Variants in PLPPR1 observed in about 807,000 individuals in gnomAD.
PLPPR1 encodes phospholipid phosphatase related 1.
A neutral mutation model predicts 33.1 loss-of-function variants in PLPPR1; 10 were observed. The observed-to-expected ratio is 0.30, with a 90% CI of 0.19 to 0.51. The LOEUF (loss-of-function observed/expected upper bound fraction) is 0.51. Among genes scored for constraint, PLPPR1 ranks in the 20% least tolerant of loss-of-function variants. The probability of loss-of-function intolerance (pLI) is 0.97; values close to 1 mark genes in which losing one functional copy is unlikely to be tolerated. For synonymous variants in PLPPR1, 151 were observed against 151.0 expected (o/e 1.00, Z 0.00); for missense variants, 304 against 408.1 (o/e 0.74, Z 2.20).
intron 1 of PLPPR1, among the ~76,000 whole-genome samples, chr9:101,133,326 GA>G (rs1426740121): frequency 2.0e-5 from 3 of 152,074 alleles, no homozygotes; most frequent in African/African-American, 7.2e-5. Context: ...TGTACATTAT[GA>G]AAGAAAATTT....
At chr9:101,059,143 T>A (rs1045521802) in intron 1 of PLPPR1, among the ~76,000 whole-genome samples, 2 of 152,174 alleles carry the variant, frequency 1.3e-5, no homozygotes, top group Non-Finnish European at 2.9e-5. Context: ...TTGTGTGATC[T>A]TTTCATTAAT....
intron 3 of PLPPR1, among the ~76,000 whole-genome samples, chr9:101,273,911 CTT>C (rs1828142162): frequency 6.6e-6 from 1 of 152,244 alleles, no homozygotes; most frequent in South Asian, 2.1e-4. Context: ...ATCACCAAAA[CTT>C]TACAAAGAAT....
intron 1 of PLPPR1, among the ~76,000 whole-genome samples, chr9:101,168,574 A>G (rs921161958): frequency 5.3e-5 from 8 of 152,072 alleles, no homozygotes; most frequent in African/African-American, 1.7e-4. Flanking sequence ...CCATCTGCAT[A>G]TACTCTCTTT....
At chr9:101,058,004 C>T (rs1830298517) in intron 1 of PLPPR1, among the ~76,000 whole-genome samples, 1 of 152,086 alleles carries the variant, frequency 6.6e-6, no homozygotes, top group African/African-American at 2.4e-5. Flanking sequence ...TCTGCCCCAT[C>T]TGAGCCCATT....
intron 1 of PLPPR1, among the ~76,000 whole-genome samples, chr9:101,034,916 G>A (rs1272942808): frequency 6.6e-6 from 1 of 152,052 alleles, no homozygotes; most frequent in Non-Finnish European, 1.5e-5. Context: ...AGACCAGCTC[G>A]GCTGTCATAA....
chr9:101,277,774 C>T (rs1196715511), intron 3 of PLPPR1, among the ~76,000 whole-genome samples: 1 of 152,154 alleles, frequency 6.6e-6, no homozygotes, highest in Non-Finnish European at 1.5e-5. Context: ...CAGGACTGGG[C>T]ACAATGATTT....
chr9:101,321,856 C>A (rs117121146), intron 7 of PLPPR1, among the ~76,000 whole-genome samples: 6,484 of 147,442 alleles, frequency 0.044, 183 homozygotes, highest in South Asian at 0.12. Context: ...TGATTGGTGA[C>A]CTTGGGCATA....
At chr9:101,079,773 T>A (rs1035443667) in intron 1 of PLPPR1, among the ~76,000 whole-genome samples, 2 of 152,066 alleles carry the variant, frequency 1.3e-5, no homozygotes, top group Non-Finnish European at 2.9e-5. Flanking sequence ...AGAGGCTTGG[T>A]TTCACCATGT....
chr9:101,314,097 C>T (rs2118961781), intron 6 of PLPPR1, among the ~76,000 whole-genome samples: 1 of 152,280 alleles, frequency 6.6e-6, no homozygotes, highest in East Asian at 1.9e-4. Flanking sequence ...GATGAATCAT[C>T]AGGCCTGGAG....
At chr9:101,037,535 A>G (rs998348316) in intron 1 of PLPPR1, among the ~76,000 whole-genome samples, 14 of 152,226 alleles carry the variant, frequency 9.2e-5, no homozygotes, top group Admixed American at 9.2e-4. Flanking sequence ...AATCAAGTGG[A>G]ATCAGATACA....
intron 2 of PLPPR1, among the ~76,000 whole-genome samples, chr9:101,238,900 A>C (rs1827390784): frequency 6.7e-6 from 1 of 149,196 alleles, no homozygotes; most frequent in Admixed American, 6.7e-5. Context: ...TTTCCTTCTT[A>C]CCCTTCCAGC....
At chr9:101,323,988 C>T in intron 7 of PLPPR1, 37 bp from the exon 8 acceptor site, 1 of 1,604,436 alleles carries the variant, frequency 6.2e-7, no homozygotes, top group Non-Finnish European at 8.5e-7. Context: ...TCAGGCAACC[C>T]TATCTCAGAT....
intron 4 of PLPPR1, among the ~76,000 whole-genome samples, chr9:101,296,348 G>C (rs1185299215): frequency 2.0e-5 from 3 of 151,776 alleles, no homozygotes; most frequent in African/African-American, 4.9e-5. Flanking sequence ...TACACTGTTG[G>C]TGGGACTGTA....
At chr9:101,096,478 C>A (rs762293459) in intron 1 of PLPPR1, among the ~76,000 whole-genome samples, 1 of 152,140 alleles carries the variant, frequency 6.6e-6, no homozygotes, top group Non-Finnish European at 1.5e-5. Context: ...GTTTGTGAAG[C>A]ATATGTATAA....
intron 2 of PLPPR1, among the ~76,000 whole-genome samples, chr9:101,233,615 C>A (rs1827234850): frequency 6.6e-6 from 1 of 151,932 alleles, no homozygotes. Flanking sequence ...TATATAAAGA[C>A]AAACTTGGCC....
intron 1 of PLPPR1, among the ~76,000 whole-genome samples, chr9:101,109,922 T>C (rs1406902795): frequency 6.6e-6 from 1 of 152,154 alleles, no homozygotes; most frequent in African/African-American, 2.4e-5. Flanking sequence ...CAAATGGCCA[T>C]TGTGTGGTGC....
At chr9:101,191,070 G>A (rs751400677) in intron 2 of PLPPR1, among the ~76,000 whole-genome samples, 22 of 152,068 alleles carry the variant, frequency 1.4e-4, no homozygotes, top group Non-Finnish European at 2.9e-4. Context: ...TAAAAGCCAG[G>A]ATATAAACTT....
intron 1 of PLPPR1, among the ~76,000 whole-genome samples, chr9:101,177,801 T>G (rs1236454014): frequency 1.3e-5 from 2 of 152,216 alleles, no homozygotes; most frequent in Non-Finnish European, 2.9e-5. Flanking sequence ...TAATTTCTAT[T>G]AAGTTGTTAG....
rs375972678 is a variant in PLPPR1 at position 101,261,049 on chromosome 9, G to A, written c.64-8831G>A. 1.8e-3 allele frequency among the ~76,000 whole-genome samples: 272 copies of A among 152,228 alleles called. 1 individual carries two copies. Among genetic ancestry groups the A allele is most frequent in the African/African-American group, 5.7e-3 (235 of 41,546 alleles). ...GAGCTGAGTACTTATCAAGTGCCAG[G>A]CATTGTACTAAGCTTTTTATATACA... is the stretch of plus-strand genomic sequence containing the variant. On this transcript the variant is annotated intron_variant, in intron 2 of 7. Coordinates refer to ENST00000374874, the MANE Select transcript of PLPPR1 (RefSeq NM_207299.2).
Sources: gnomAD v4.1 joint callset for allele counts (sites outside exome capture counted in the v4.1 genomes callset) on GRCh38, gnomAD v4.1.1 for gene constraint, MANE v1.5 for transcripts, NCBI Gene and HGNC (gene_info 2026-07-23, HGNC 2026-07-21) for gene names.